The following ST7 variants were observed in gnomAD, a reference collection of about 807,000 sequenced individuals.
The protein encoded by ST7 is suppressor of tumorigenicity 7 protein.
A neutral mutation model predicts 78.7 loss-of-function variants in ST7; 28 were observed. The observed-to-expected ratio is 0.36, with a 90% CI of 0.26 to 0.49. ST7 has a LOEUF of 0.49. Ranked by LOEUF, ST7 falls within the 20% of genes least tolerant of loss-of-function variation. The pLI is 0.99. For missense variants in ST7, 418 were observed against 696.0 expected (o/e 0.60, Z 4.49); for synonymous variants, 247 against 249.6 (o/e 0.99, Z 0.10).
intron 1 of ST7, among the ~76,000 whole-genome samples, chr7:117,011,896 G>A (rs1795400532): frequency 6.6e-6 from 1 of 152,126 alleles, no homozygotes; most frequent in South Asian, 2.1e-4. Context: ...GTGGGTGGAG[G>A]GATCTAGTTG....
At chr7:117,055,822 A>G (rs1376017527) in intron 1 of ST7, among the ~76,000 whole-genome samples, 1 of 152,130 alleles carries the variant, frequency 6.6e-6, no homozygotes, top group African/African-American at 2.4e-5. Flanking sequence ...CCCTAGAGGG[A>G]CAGAACTAAT....
At chr7:117,226,928 A>G (rs1296938777) in intron 15 of ST7, among the ~76,000 whole-genome samples, 2 of 152,244 alleles carry the variant, frequency 1.3e-5, no homozygotes, top group Non-Finnish European at 2.9e-5. Flanking sequence ...CCTTGTTGAG[A>G]AGGGCAGGTG....
At chr7:116,953,837 G>A in intron 1 of ST7, 146 bp downstream of exon 1, 1 of 428,304 alleles carries the variant, frequency 2.3e-6, no homozygotes, top group Non-Finnish European at 3.1e-6. Flanking sequence ...CGCCAGCAAC[G>A]CGGCGGCTTA....
At chr7:117,223,498 A>G (rs1584641206) in intron 15 of ST7, 1 of 160,824 alleles carries the variant, frequency 6.2e-6, no homozygotes, top group Middle Eastern at 3.2e-3. Context: ...ACTCTTGCAC[A>G]GTCACTGCTC....
At chr7:116,969,386 G>A (rs1210766709) in intron 1 of ST7, among the ~76,000 whole-genome samples, 1 of 152,144 alleles carries the variant, frequency 6.6e-6, no homozygotes, top group African/African-American at 2.4e-5. Flanking sequence ...ATTGAGATTT[G>A]TTTGATATTC....
intron 10 of ST7, among the ~76,000 whole-genome samples, chr7:117,172,224 C>T (rs1808051008): frequency 1.3e-5 from 2 of 152,184 alleles, no homozygotes; most frequent in South Asian, 4.1e-4. Context: ...GGAGTACAGG[C>T]GTGAGCCACC....
intron 1 of ST7, 84 bp downstream of exon 1, chr7:116,953,775 G>T: frequency 9.6e-7 from 1 of 1,040,586 alleles, no homozygotes; most frequent in Non-Finnish European, 1.2e-6. Context: ...CCGCGGCCAG[G>T]CGCGCGCTCG....
At chr7:117,020,269 C>A in intron 1 of ST7, 1 of 333,018 alleles carries the variant, frequency 3.0e-6, no homozygotes, top group Non-Finnish European at 5.5e-6. Flanking sequence ...GTTGCTGCTG[C>A]TCCCAGTCCT....
chr7:117,198,299 G>A (rs754460334), intron 12 of ST7: 14 of 455,784 alleles, frequency 3.1e-5, no homozygotes, highest in South Asian at 1.1e-4. Context: ...TTTACCTCCC[G>A]TTCTATTTCT....
At chr7:117,079,235 G>A (rs555734615) in intron 1 of ST7, among the ~76,000 whole-genome samples, 1 of 152,166 alleles carries the variant, frequency 6.6e-6, no homozygotes, top group Admixed American at 6.5e-5. Flanking sequence ...ATCTAGATAT[G>A]GTTTAAAGTA....
At chr7:117,188,773 T>TATATATATATATATATATATATATCCTC (rs147832271) in intron 10 of ST7, among the ~76,000 whole-genome samples, 74 of 151,976 alleles carry the variant, frequency 4.9e-4, no homozygotes, top group African/African-American at 1.6e-3. Context: ...GACATATATA[T>TATATATATATATATATATATATATCCTC]AACTTGGACT....
intron 2 of ST7, among the ~76,000 whole-genome samples, chr7:117,112,108 GTATA>G (rs760023790): frequency 1.3e-5 from 2 of 149,140 alleles, no homozygotes; most frequent in African/African-American, 2.5e-5. Context: ...GTGTGTGTGT[GTATA>G]TATATATATA....
intron 10 of ST7, among the ~76,000 whole-genome samples, chr7:117,175,144 T>G (rs1808258257): frequency 6.6e-6 from 1 of 152,238 alleles, no homozygotes; most frequent in African/African-American, 2.4e-5. Context: ...TATCTGATTT[T>G]TTTAATCACA....
chr7:116,965,209 G>A (rs907250220), intron 1 of ST7, among the ~76,000 whole-genome samples: 9 of 151,924 alleles, frequency 5.9e-5, no homozygotes, highest in East Asian at 3.9e-4. Context: ...GTGTAGTGGC[G>A]GGCGCCTGTA....
At chr7:117,169,391 C>T (rs1807814953) in intron 9 of ST7, among the ~76,000 whole-genome samples, 1 of 152,114 alleles carries the variant, frequency 6.6e-6, no homozygotes, top group African/African-American at 2.4e-5. Flanking sequence ...CTGCCTCGGC[C>T]TCTCAAAGTG....
chr7:117,086,739 G>C lies in ST7; in HGVS notation c.152-13023G>C, dbSNP rs535959261. 2.0e-5 allele frequency among the ~76,000 whole-genome samples: 3 copies of C among 152,076 alleles called. No individual in the cohort carries two copies. In the South Asian group the frequency reaches 6.2e-4, roughly 31 times the overall value. ...CTCCAGTTTCCACCGACTGTTACCC[G>C]TAGACATTACGTAAAGCCAGATGCA... is the stretch of plus-strand genomic sequence containing the variant. On this transcript the variant is annotated intron_variant, in intron 1 of 15. Coordinates refer to ENST00000323984, the MANE Select transcript of ST7 (RefSeq NM_001369598.1).
chr7:116,959,269 C>A, intron 1 of ST7: 2 of 470,892 alleles, frequency 4.2e-6, no homozygotes, highest in Non-Finnish European at 8.8e-6. Flanking sequence ...ACAATTCAGT[C>A]ACATCTTAAA....
intron 1 of ST7, among the ~76,000 whole-genome samples, chr7:117,093,625 C>T (rs936044172): frequency 1.3e-5 from 2 of 151,998 alleles, no homozygotes; most frequent in African/African-American, 2.4e-5. Context: ...CACTTGAACC[C>T]GGGAGGCGGA....
chr7:117,120,157 T>A (rs1803251133), intron 3 of ST7, among the ~76,000 whole-genome samples: 1 of 152,144 alleles, frequency 6.6e-6, no homozygotes, highest in East Asian at 1.9e-4. Context: ...CTCAAACTCC[T>A]GGGCTCAAGT....
Sources: gnomAD v4.1 joint callset for allele counts (sites outside exome capture counted in the v4.1 genomes callset) on GRCh38, gnomAD v4.1.1 for gene constraint, MANE v1.5 for transcripts, NCBI Gene and HGNC (gene_info 2026-07-23, HGNC 2026-07-21) for gene names.